Variants in CSMD1 observed in about 807,000 individuals in gnomAD.
The protein encoded by CSMD1 is CUB and Sushi multiple domains 1.
CSMD1 carries 213 observed loss-of-function variants against 417.5 expected under a neutral mutation model. The ratio of observed to expected loss-of-function variants is 0.51; its 90% CI spans 0.46 to 0.57. The LOEUF (loss-of-function observed/expected upper bound fraction) is 0.57, where lower values mean the gene tolerates loss of function less well. CSMD1 is among the 20% of genes least tolerant of loss of function. CSMD1 has a pLI of 0.00. For missense variants in CSMD1, 6,923 were observed against 4,529.7 expected (o/e 1.53, Z -15.17); for synonymous variants, 2,862 against 1,736.8 (o/e 1.65, Z -16.11).
Position 3,288,393 on chromosome 8 carries a change from C to A in CSMD1, c.3951-4047G>T, listed in dbSNP as rs557976024. Among the ~76,000 whole-genome samples the A allele has an allele frequency of 3.4e-3, 505 of 147,194 alleles. 14 individuals are homozygous for A. The highest frequency in any genetic ancestry group is 5.4e-3 in the Non-Finnish European group (366 of 67,970). ...GGAATGGTACCAGCTCCTCCTTGTACCTCTGGTAGAATTCGGCTGTGAATC... is the reference window on the plus strand; with the variant it reads ...GGAATGGTACCAGCTCCTCCTTGTAACTCTGGTAGAATTCGGCTGTGAATC... On this transcript the variant is annotated intron_variant, in intron 25 of 69. Transcript: ENST00000635120.
intron 5 of CSMD1, among the ~76,000 whole-genome samples, chr8:3,974,798 A>AT (rs1292089731): frequency 7.9e-5 from 12 of 152,106 alleles, no homozygotes; most frequent in African/African-American, 2.9e-4. Flanking sequence ...TTAATTCACA[A>AT]TTTTTTATAA....
At chr8:4,280,474 C>G (rs998125201) in intron 3 of CSMD1, among the ~76,000 whole-genome samples, 3 of 152,160 alleles carry the variant, frequency 2.0e-5, no homozygotes, top group Admixed American at 1.3e-4. Context: ...ATCACTGTTT[C>G]AGTATATCCT....
intron 2 of CSMD1, among the ~76,000 whole-genome samples, chr8:4,628,603 A>C (rs1802303298): frequency 1.2e-5 from 1 of 80,488 alleles, no homozygotes; most frequent in Admixed American, 1.8e-4. Flanking sequence ...CACAGGAAAA[A>C]GAAAATGTTA....
In CSMD1 at chr8:3,268,289, A is replaced by ATT. The variant is rs1163842745; in HGVS notation, c.4153+15853_4153+15854dup. ...GGTGTGGTCAGATGGTTCATTTCCTATTTTTTTTTTTTTTTTTTTTTTTTT... is the reference window on the plus strand; with the variant it reads ...GGTGTGGTCAGATGGTTCATTTCCTATTTTTTTTTTTTTTTTTTTTTTTTTTT... On this transcript the variant is annotated intron_variant, in intron 26 of 69. Transcript: ENST00000635120. Among the ~76,000 whole-genome samples the ATT allele has an allele frequency of 4.6e-3, 390 of 84,214 alleles. 4 individuals are homozygous for ATT. Among genetic ancestry groups the ATT allele is most frequent in the African/African-American group, 8.0e-3 (181 of 22,740 alleles). The allele number at this position is 84,214 out of a possible 152,430, so 55.2% of individuals were successfully genotyped here. A position where few individuals can be genotyped will look rare whatever the true frequency, so the allele number is the denominator to read the frequency against.
intron 5 of CSMD1, among the ~76,000 whole-genome samples, chr8:3,779,139 G>T (rs999761869): frequency 7.0e-6 from 1 of 142,856 alleles, no homozygotes; most frequent in Non-Finnish European, 1.5e-5. Context: ...TTTTCACTAT[G>T]CGTGCATACT....
At chr8:3,237,322 C>T (rs1799210923) in intron 26 of CSMD1, among the ~76,000 whole-genome samples, 1 of 151,554 alleles carries the variant, frequency 6.6e-6, no homozygotes, top group African/African-American at 2.4e-5. Context: ...AAAATATTAG[C>T]TGGTCATGGT....
chr8:2,981,316 T>G (rs777132089), intron 54 of CSMD1, among the ~76,000 whole-genome samples: 2 of 152,202 alleles, frequency 1.3e-5, no homozygotes, highest in Admixed American at 1.3e-4. Context: ...AGGGATCTGA[T>G]GGAAAGAGGC....
intron 3 of CSMD1, among the ~76,000 whole-genome samples, chr8:4,252,132 T>C (rs1279632082): frequency 6.6e-6 from 1 of 152,106 alleles, no homozygotes; most frequent in African/African-American, 2.4e-5. Flanking sequence ...AAACACACAA[T>C]TTCAGTTTTG....
chr8:3,075,364 C>T (rs1813586405), intron 49 of CSMD1, among the ~76,000 whole-genome samples: 1 of 150,526 alleles, frequency 6.6e-6, no homozygotes, highest in Non-Finnish European at 1.5e-5. Context: ...TCACCACAAC[C>T]TCCACCTCCT....
chr8:4,675,016 G>C (rs78080403), intron 1 of CSMD1, among the ~76,000 whole-genome samples: 5,048 of 152,248 alleles, frequency 0.033, 247 homozygotes, highest in African/African-American at 0.11. Context: ...CTTCCCCAGG[G>C]AACTAAACTG....
At chr8:3,331,295 G>T (rs1418917970) in intron 23 of CSMD1, among the ~76,000 whole-genome samples, 1 of 152,072 alleles carries the variant, frequency 6.6e-6, no homozygotes, top group Non-Finnish European at 1.5e-5. Flanking sequence ...CAGACTGAGG[G>T]AGCAACTAAC....
intron 5 of CSMD1, among the ~76,000 whole-genome samples, chr8:3,771,863 A>G (rs1376763315): frequency 2.0e-5 from 3 of 152,014 alleles, no homozygotes; most frequent in Non-Finnish European, 4.4e-5. Context: ...TGCTTTGCCC[A>G]CTTTTGAATC....
chr8:4,466,062 A>C lies in CSMD1; in HGVS notation c.303-45997T>G, dbSNP rs562733006. ...TTTATTACCATCCAATGATAACACA[A>C]GTCAAACAAGTTATGGAGAGATTAA... On this transcript the variant is annotated intron_variant, in intron 2 of 69. Coordinates refer to ENST00000635120, the MANE Select transcript of CSMD1 (RefSeq NM_033225.6). Among the ~76,000 whole-genome samples the C allele has an allele frequency of 1.1e-4, 17 of 152,366 alleles. 2 individuals are homozygous for C. The highest frequency in any genetic ancestry group is 7.2e-4 in the Admixed American group (11 of 15,304).
chr8:4,438,463 G>A (rs536008095), intron 2 of CSMD1, among the ~76,000 whole-genome samples: 2 of 152,286 alleles, frequency 1.3e-5, no homozygotes, highest in African/African-American at 4.8e-5. Flanking sequence ...GGGACATGTG[G>A]CAATGGACCA....
intron 15 of CSMD1, among the ~76,000 whole-genome samples, chr8:3,402,496 G>C (rs1009324771): frequency 3.3e-5 from 5 of 152,268 alleles, no homozygotes; most frequent in Non-Finnish European, 5.9e-5. Context: ...AGAAGAAAGA[G>C]AGAAAGAGAA....
At chr8:4,945,099 C>A (rs1270507386) in intron 1 of CSMD1, among the ~76,000 whole-genome samples, 1 of 152,146 alleles carries the variant, frequency 6.6e-6, no homozygotes, top group Non-Finnish European at 1.5e-5. Context: ...TAGGCTACAA[C>A]ACAGATGGAC....
At chr8:3,639,417 A>G (rs944337852) in intron 7 of CSMD1, among the ~76,000 whole-genome samples, 2 of 152,220 alleles carry the variant, frequency 1.3e-5, no homozygotes, top group Non-Finnish European at 2.9e-5. Context: ...CATTTCACCA[A>G]CTTATGCTGA....
chr8:3,730,239 T>G (rs1802764295), intron 6 of CSMD1, among the ~76,000 whole-genome samples: 1 of 152,066 alleles, frequency 6.6e-6, no homozygotes, highest in African/African-American at 2.4e-5. Flanking sequence ...ATGGTTAAAT[T>G]CGAGATGAGA....
chr8:3,146,210 C>G (rs1438546051), intron 40 of CSMD1, among the ~76,000 whole-genome samples: 1 of 152,086 alleles, frequency 6.6e-6, no homozygotes, highest in Non-Finnish European at 1.5e-5. Flanking sequence ...GTAAGGCAGA[C>G]AGAAAGCTTC....
Sources: gnomAD v4.1 joint callset for allele counts (sites outside exome capture counted in the v4.1 genomes callset) on GRCh38, gnomAD v4.1.1 for gene constraint, MANE v1.5 for transcripts, NCBI Gene and HGNC (gene_info 2026-07-23, HGNC 2026-07-21) for gene names.